The following ATRN variants were observed in gnomAD, a reference collection of about 807,000 sequenced individuals.
ATRN encodes the protein attractin.
Under a neutral mutation model 178.7 loss-of-function variants are expected in ATRN, and 54 were observed. The observed-to-expected ratio is 0.30, with a 90% CI of 0.24 to 0.38. ATRN has a LOEUF of 0.38. Among genes scored for constraint, ATRN ranks in the 10% least tolerant of loss-of-function variants. ATRN has a pLI of 1.00. For missense variants in ATRN, 1,443 were observed against 1,815.1 expected, an observed-to-expected ratio of 0.79 and a Z score of 3.73; for synonymous variants, 636 against 663.0, an observed-to-expected ratio of 0.96 and a Z score of 0.63.
Position 3,623,044 on chromosome 20 carries a change from C to T in ATRN, c.3802-1467C>T, listed in dbSNP as rs142767269. On this transcript the variant is annotated intron_variant, in intron 24 of 28. Transcript: ENST00000262919. ...TCATAGATTCTTTAAGTGTAAACAC[C>T]GAGGACACACTTAACGTTTTAAAAG... Among the ~76,000 whole-genome samples the T allele has an allele frequency of 1.1e-3, 171 of 152,258 alleles. 1 individual carries two copies. The highest frequency in any genetic ancestry group is 3.9e-3 in the African/African-American group (164 of 41,546).
In ATRN at chr20:3,606,808, C is replaced by A. The variant is rs963908833; in HGVS notation, c.3801+2546C>A. Among the ~76,000 whole-genome samples the A allele has an allele frequency of 2.0e-5, 3 of 152,284 alleles. No individual in the cohort carries two copies. In the South Asian group the frequency reaches 6.2e-4, roughly 32 times the overall value. On this transcript the variant is annotated intron_variant, in intron 24 of 28. Transcript: ENST00000262919. ...AAGAATGTCTGATAATTTTCCCTTCCTGTCCTTGTTATGGTTTTGATATCA... is the reference window on the plus strand; with the variant it reads ...AAGAATGTCTGATAATTTTCCCTTCATGTCCTTGTTATGGTTTTGATATCA...
At chr20:3,606,318 T>C (rs1037660560) in intron 24 of ATRN, among the ~76,000 whole-genome samples, 12 of 152,312 alleles carry the variant, frequency 7.9e-5, no homozygotes, top group African/African-American at 2.9e-4. Context: ...TCATCATCTT[T>C]CTTGTCTTCC....
intron 24 of ATRN, among the ~76,000 whole-genome samples, chr20:3,617,091 A>T (rs569034753): frequency 3.3e-5 from 5 of 152,314 alleles, no homozygotes; most frequent in African/African-American, 9.6e-5. Flanking sequence ...CAACTTTTAT[A>T]ACTTTTATAA....
At chr20:3,558,756 G>GT (rs1261462638) in intron 6 of ATRN, among the ~76,000 whole-genome samples, 1 of 151,848 alleles carries the variant, frequency 6.6e-6, no homozygotes, top group Non-Finnish European at 1.5e-5. Context: ...AAACAGTAGA[G>GT]TTTTTCTCAA....
At chr20:3,487,260 G>A (rs373824656) in intron 1 of ATRN, among the ~76,000 whole-genome samples, 10 of 151,982 alleles carry the variant, frequency 6.6e-5, no homozygotes, top group South Asian at 6.2e-4. Flanking sequence ...TTTTGAGACC[G>A]AGTCTTCTTG....
intron 18 of ATRN, among the ~76,000 whole-genome samples, chr20:3,590,959 T>C (rs1427771445): frequency 6.6e-6 from 1 of 152,234 alleles, no homozygotes; most frequent in Non-Finnish European, 1.5e-5. Context: ...CTATGGGCTT[T>C]CACCTTGCTG....
At position 3,591,199 on chromosome 20, in the gene ATRN, T is replaced by C. The variant is rs1568750458; in HGVS notation, c.3215T>C (p.Ile1072Thr). 10 of 1,614,194 alleles carry C rather than the reference T, an allele frequency of 6.2e-6. No homozygotes were observed. The highest frequency in any genetic ancestry group is 8.5e-6 in the Non-Finnish European group (10 of 1,180,004). Residue 1072 changes from isoleucine (I) to threonine (T), a missense_variant, in exon 19 of 29, where the codon ATC becomes ACC. By Grantham distance (89) the Ile-to-Thr change is moderately conservative (BLOSUM62 -1). Transcript: ENST00000262919. ...CAATGCAACGGCCACAGTAAATGCA[T>C]CAATCAGAGCATCTGTGAGAAGTGT... ...ACQCNGHSKC[I>T]NQSICEKCEN...
Position 3,638,615 on chromosome 20 carries a change from C to T in ATRN, c.3943-213C>T, listed in dbSNP as rs1311455898. ...ATCGTACGTTAATATGTATCTCTGA[C>T]AGGGGCTTTTAAAAAATATAAGGAC... On this transcript the variant is annotated intron_variant, in intron 26 of 28. Coordinates refer to ENST00000262919, the MANE Select transcript of ATRN (RefSeq NM_139321.3). This position sits in a 1 kb window ranked among gnomAD's most constrained non-coding sequence, Gnocchi z 4.5. 2.6e-5 allele frequency among the ~76,000 whole-genome samples: 4 copies of T among 152,154 alleles called. No individual in the cohort carries two copies. Among genetic ancestry groups the T allele is most frequent in the Non-Finnish European group, 4.4e-5 (3 of 68,022 alleles).
At chr20:3,562,211 G>T in intron 8 of ATRN, 65 bp from the exon 9 acceptor site, 1 of 1,378,572 alleles carries the variant, frequency 7.3e-7, no homozygotes, top group Non-Finnish European at 1.0e-6. Flanking sequence ...TAAGCTCTTT[G>T]GACATTTTCA....
At position 3,540,324 on chromosome 20, in the gene ATRN, T is replaced by C; in HGVS notation, c.597T>C (p.Val199=). ...YDGDSIYAPL[V]AAFSGLIVPE... ...GGGACTCAATTTATGCACCGCTAGTTGCTGCATTTAGGTAAGCTCAGTCTT... is the reference window on the plus strand; with the variant it reads ...GGGACTCAATTTATGCACCGCTAGTCGCTGCATTTAGGTAAGCTCAGTCTT... The change falls in exon 3 of 29, where the codon GTT becomes GTC. Residue 199 remains valine, a synonymous_variant. Transcript: ENST00000262919. 6.2e-7 allele frequency: 1 copy of C among 1,600,526 alleles called. No homozygotes were observed. Among genetic ancestry groups the C allele is most frequent in the Non-Finnish European group, 8.5e-7 (1 of 1,170,438 alleles).
intron 1 of ATRN, among the ~76,000 whole-genome samples, chr20:3,500,867 A>G (rs1366789116): frequency 6.6e-6 from 1 of 152,104 alleles, no homozygotes; most frequent in Non-Finnish European, 1.5e-5. Context: ...ATTTAAAAAA[A>G]TAAAAATAAA....
chr20:3,547,494 G>T lies in ATRN; in HGVS notation c.943+5G>T, dbSNP rs1209025419. ...CCTGCTTCTCAGACTGGCAGGGTAG[G>T]AGCTTCTTTCATTTTTATTTTTTCT... On this transcript the variant is annotated splice_donor_5th_base_variant and intron_variant, in intron 5 of 28. Coordinates refer to ENST00000262919, the MANE Select transcript of ATRN (RefSeq NM_139321.3). 1.2e-6 allele frequency: 2 copies of T among 1,601,408 alleles called. No individual in the cohort carries two copies. Among genetic ancestry groups the T allele is most frequent in the South Asian group, 2.2e-5 (2 of 89,420 alleles).
rs1365006204 is a variant in ATRN, at chr20:3,471,083, G to C, written c.-25G>C. On this transcript the variant is annotated 5_prime_UTR_variant, in exon 1 of 29. Transcript: ENST00000262919. ...GTGCGGTGTGTGTGTATGTGTTCGCGGGGCGCCGTCTCAGCCCCGGGAAGA... is the reference window on the plus strand; with the variant it reads ...GTGCGGTGTGTGTGTATGTGTTCGCCGGGCGCCGTCTCAGCCCCGGGAAGA... 9 of 1,506,154 alleles carry C rather than the reference G, an allele frequency of 6.0e-6. No individual in the cohort carries two copies. The highest frequency in any genetic ancestry group is 1.4e-5 in the African/African-American group (1 of 69,522). 93.3% of individuals were successfully genotyped at this position (1,506,154 alleles called of 1,614,324 possible).
chr20:3,541,166 C>T (rs1283268316), intron 3 of ATRN, among the ~76,000 whole-genome samples: 2 of 151,412 alleles, frequency 1.3e-5, no homozygotes, highest in African/African-American at 4.9e-5. Flanking sequence ...CAAGCTCCGC[C>T]TCCCGGGTTC....
chr20:3,550,061 C>A (rs1370614498), intron 6 of ATRN, among the ~76,000 whole-genome samples: 2 of 152,230 alleles, frequency 1.3e-5, no homozygotes, highest in Non-Finnish European at 2.9e-5. Context: ...GGCGCAGTGG[C>A]TCACGCCTAT....
At chr20:3,617,975 T>A (rs1892970464) in intron 24 of ATRN, among the ~76,000 whole-genome samples, 1 of 152,220 alleles carries the variant, frequency 6.6e-6, no homozygotes, top group South Asian at 2.1e-4. Context: ...GCAAGCCTCC[T>A]GCCTTCACCC....
chr20:3,600,329 C>A (rs1229020038), intron 22 of ATRN, among the ~76,000 whole-genome samples: 1 of 152,042 alleles, frequency 6.6e-6, no homozygotes, highest in East Asian at 1.9e-4. Context: ...ACTAAGAAGC[C>A]ATACTCAATC....
At chr20:3,598,383 G>GCCCCAATCAGACAGCAAGGGAGGGGA (rs1482864122) in intron 22 of ATRN, among the ~76,000 whole-genome samples, 3 of 152,048 alleles carry the variant, frequency 2.0e-5, no homozygotes, top group African/African-American at 4.8e-5. Flanking sequence ...CAGTGATGCA[G>GCCCCAATCAGACAGCAAGGGAGGGGA]CCCCAATCAG....
At chr20:3,549,145 A>C (rs774128912) in intron 5 of ATRN, 25 bp from the exon 6 acceptor site, 12 of 1,555,132 alleles carry the variant, frequency 7.7e-6, no homozygotes, top group Non-Finnish European at 1.0e-5. Flanking sequence ...TCTTTTGTGA[A>C]GCTAATTCAT....
Sources: allele counts gnomAD v4.1 joint callset (sites outside exome capture counted in the v4.1 genomes callset), GRCh38; gene constraint gnomAD v4.1.1; non-coding constraint Gnocchi (gnomAD v3.1); transcripts MANE v1.5; gene names NCBI Gene and HGNC (gene_info 2026-07-23, HGNC 2026-07-21).